Variants in IL21 observed in about 807,000 individuals in gnomAD.
IL21 encodes interleukin 21, also known as interleukin-21.
IL21 carries 3 observed loss-of-function variants against 18.4 expected under a neutral mutation model. That is an observed-to-expected ratio of 0.16 (90% CI 0.07 to 0.42). The LOEUF (loss-of-function observed/expected upper bound fraction) is 0.42, where lower values mean the gene tolerates loss of function less well. Ranked by LOEUF, IL21 falls within the 10% of genes least tolerant of loss-of-function variation. The pLI, the probability that IL21 is intolerant of heterozygous loss-of-function variation, is 0.99. For synonymous variants in IL21, 37 were observed against 62.0 expected, an observed-to-expected ratio of 0.60 and a Z score of 1.90; for missense variants, 130 against 188.4, an observed-to-expected ratio of 0.69 and a Z score of 1.81.
rs769941289 is a variant in IL21 at position 122,621,015 on chromosome 4, T to G, written c.-4A>C. On this transcript the variant is annotated 5_prime_UTR_variant, in exon 1 of 5. Transcript: ENST00000648588. Reference sequence around the variant, plus strand: ...TGTTGCCAGGACTGGATCTCATAAGTACCAACAGTAGAGCTAGACCTTGGT... The same window carrying G: ...TGTTGCCAGGACTGGATCTCATAAGGACCAACAGTAGAGCTAGACCTTGGT... The G allele has an allele frequency of 6.2e-7, 1 of 1,613,486 alleles. No individual in the cohort carries two copies. The highest frequency in any genetic ancestry group is 1.1e-5 in the South Asian group (1 of 90,952).
At chr4:122,613,610 C>G (rs1481812700) in intron 3 of IL21, among the ~76,000 whole-genome samples, 1 of 152,132 alleles carries the variant, frequency 6.6e-6, no homozygotes, top group African/African-American at 2.4e-5. Flanking sequence ...CCTCGGCCTC[C>G]CAAAGTGCTG....
At chr4:122,617,779 G>A (rs1799359726) in intron 2 of IL21, among the ~76,000 whole-genome samples, 1 of 152,190 alleles carries the variant, frequency 6.6e-6, no homozygotes, top group African/African-American at 2.4e-5. Context: ...CAGCAGAGCT[G>A]TGTCTGGCAA....
rs1670767202 is a variant in IL21 at position 122,612,607 on chromosome 4, TC to T, written c.*102del. On this transcript the variant is annotated 3_prime_UTR_variant, in exon 5 of 5. Coordinates refer to ENST00000648588, the MANE Select transcript of IL21 (RefSeq NM_021803.4). Reference sequence around the variant, plus strand: ...CTTTGCACACTTATGAGTTTTTTTTTCCCATCGCTAATATATTGTACTCCTC... The same window carrying T: ...CTTTGCACACTTATGAGTTTTTTTTTCCATCGCTAATATATTGTACTCCTC... 4.9e-6 allele frequency: 4 copies of T among 813,172 alleles called. No individual in the cohort carries two copies. In the Admixed American group the frequency reaches 6.2e-5, roughly 13 times the overall value. The allele number at this position is 813,172 out of a possible 1,614,324, so 50.4% of individuals were successfully genotyped here. A position where few individuals can be genotyped will look rare whatever the true frequency, so the allele number is the denominator to read the frequency against.
At chr4:122,615,083 G>C (rs1799317370) in intron 3 of IL21, among the ~76,000 whole-genome samples, 1 of 152,190 alleles carries the variant, frequency 6.6e-6, no homozygotes, top group African/African-American at 2.4e-5. Context: ...CAAAATCACA[G>C]TTGGATTCTC....
At chr4:122,618,144 G>A (rs1012168690) in intron 2 of IL21, among the ~76,000 whole-genome samples, 9 of 152,152 alleles carry the variant, frequency 5.9e-5, no homozygotes, top group Admixed American at 3.3e-4. Flanking sequence ...TAGAAGGAGC[G>A]GTAGTAAAGT....
At position 122,611,076 on chromosome 4, in the gene IL21, A is replaced by G. The variant is rs1799257524; in HGVS notation, c.*1634T>C. On this transcript the variant is annotated 3_prime_UTR_variant, in exon 5 of 5. Transcript: ENST00000648588. Reference sequence around the variant, plus strand: ...TACAATATCCAAGAAGTTAATAGCTATACATTCAGAAACAAGAAATACAGA... The same window carrying G: ...TACAATATCCAAGAAGTTAATAGCTGTACATTCAGAAACAAGAAATACAGA... Among the ~76,000 whole-genome samples the G allele has an allele frequency of 6.6e-6, 1 of 152,218 alleles. No individual in the cohort carries two copies. Among genetic ancestry groups the G allele is most frequent in the Admixed American group, 6.5e-5 (1 of 15,280 alleles).
At chr4:122,615,092 T>G (rs1293599689) in intron 3 of IL21, among the ~76,000 whole-genome samples, 1 of 152,232 alleles carries the variant, frequency 6.6e-6, no homozygotes, top group Non-Finnish European at 1.5e-5. Flanking sequence ...AGTTGGATTC[T>G]CTGCCTAATG....
At chr4:122,613,803 AG>A (rs1294484843) in intron 3 of IL21, among the ~76,000 whole-genome samples, 3 of 152,230 alleles carry the variant, frequency 2.0e-5, no homozygotes, top group Non-Finnish European at 4.4e-5. Context: ...TACATTATAA[AG>A]GGTTTTACCT....
Position 122,612,966 on chromosome 4 carries a change from T to A in IL21, c.361-38A>T, listed in dbSNP as rs777931222. 2.3e-6 allele frequency: 3 copies of A among 1,329,782 alleles called. No homozygotes were observed. In the South Asian group the frequency reaches 4.0e-5, roughly 18 times the overall value. 82.4% of individuals were successfully genotyped at this position (1,329,782 alleles called of 1,614,324 possible). On this transcript the variant is annotated intron_variant, in intron 3 of 4. Coordinates refer to ENST00000648588, the MANE Select transcript of IL21 (RefSeq NM_021803.4). ...GAAAAAGTAACAGTCTTCTTTAAAATTTTTTTCGTAATAAAATGTTTCTTA... is the reference window on the plus strand; with the variant it reads ...GAAAAAGTAACAGTCTTCTTTAAAAATTTTTTCGTAATAAAATGTTTCTTA...
At chr4:122,616,965 T>A (rs996421905) in intron 2 of IL21, among the ~76,000 whole-genome samples, 6 of 152,210 alleles carry the variant, frequency 3.9e-5, no homozygotes, top group African/African-American at 1.4e-4. Context: ...GGCAGGCCTA[T>A]ACGTAACAAT....
chr4:122,618,647 A>C (rs1352869225), intron 2 of IL21, among the ~76,000 whole-genome samples: 5 of 151,974 alleles, frequency 3.3e-5, no homozygotes, highest in Admixed American at 2.0e-4. Flanking sequence ...TCTACTAAAA[A>C]ATACAAAAAT....
chr4:122,616,317 C>T (rs1231633856), intron 2 of IL21, among the ~76,000 whole-genome samples: 2 of 152,236 alleles, frequency 1.3e-5, no homozygotes, highest in Middle Eastern at 3.4e-3. Flanking sequence ...TTCTGTACAG[C>T]GCCAGGCATA....
intron 2 of IL21, among the ~76,000 whole-genome samples, chr4:122,616,825 T>C (rs972402829): frequency 6.6e-6 from 1 of 152,232 alleles, no homozygotes; most frequent in Non-Finnish European, 1.5e-5. Flanking sequence ...TCCAACTTAC[T>C]TTTTTCTTTC....
chr4:122,617,949 G>A lies in IL21; in HGVS notation c.205-2112C>T, dbSNP rs567640316. Among the ~76,000 whole-genome samples, 7 of 152,302 alleles carry A rather than the reference G, an allele frequency of 4.6e-5. No individual in the cohort carries two copies. In the East Asian group the frequency reaches 1.2e-3, roughly 25 times the overall value. ...ATTAACCTTGATTTAGGCAGCCTCA[G>A]GTGCCCTATCACTCAGGAGTCTACA... On this transcript the variant is annotated intron_variant, in intron 2 of 4. Transcript: ENST00000648588.
At chr4:122,619,552 G>A (rs532680528) in intron 2 of IL21, 1 of 152,326 alleles carries the variant, frequency 6.6e-6, no homozygotes, top group South Asian at 2.1e-4. Flanking sequence ...GGAAACTCTG[G>A]AAAGAACTCT....
intron 2 of IL21, among the ~76,000 whole-genome samples, chr4:122,618,582 G>A (rs1411451950): frequency 2.0e-5 from 3 of 152,062 alleles, no homozygotes; most frequent in Non-Finnish European, 2.9e-5. Context: ...CAAGGCAGGT[G>A]GATCACGGGG....
intron 3 of IL21, 78 bp downstream of exon 3, chr4:122,615,604 G>T: frequency 7.8e-7 from 1 of 1,288,966 alleles, no homozygotes; most frequent in Non-Finnish European, 1.1e-6. Flanking sequence ...CTGGCTACAG[G>T]TGTGTGTGTA....
chr4:122,611,207 C>T lies in IL21; in HGVS notation c.*1503G>A, dbSNP rs1042979408. ...CATTTTAGATATATATTATCATCAT[C>T]AGGCACATAATTCCTTTGTCATACA... On this transcript the variant is annotated 3_prime_UTR_variant, in exon 5 of 5. Coordinates refer to ENST00000648588, the MANE Select transcript of IL21 (RefSeq NM_021803.4). Among the ~76,000 whole-genome samples, 2 of 152,166 alleles carry T rather than the reference C, an allele frequency of 1.3e-5. No homozygotes were observed.
Position 122,613,347 on chromosome 4 carries a change from C to CTTT in IL21, c.361-422_361-420dup, listed in dbSNP as rs34061725. On this transcript the variant is annotated intron_variant, in intron 3 of 4. Transcript: ENST00000648588. The stretch of plus-strand genomic sequence containing the variant: ...TTTTGGACCCAAAGGTTGCATCTAA[C>CTTT]TTTTTTTTTTTTTTTTTTTTTTTGG... Among the ~76,000 whole-genome samples the CTTT allele has an allele frequency of 2.8e-3, 266 of 94,904 alleles. 1 individual carries two copies. Among genetic ancestry groups the CTTT allele is most frequent in the Middle Eastern group, 9.4e-3 (1 of 106 alleles). The allele number at this position is 94,904 out of a possible 152,430, so 62.3% of individuals were successfully genotyped here. A position where few individuals can be genotyped will look rare whatever the true frequency, so the allele number is the denominator to read the frequency against.
Sources: gnomAD v4.1 joint callset for allele counts (sites outside exome capture counted in the v4.1 genomes callset) on GRCh38, gnomAD v4.1.1 for gene constraint, MANE v1.5 for transcripts, NCBI Gene and HGNC (gene_info 2026-07-23, HGNC 2026-07-21) for gene names.